APOOL: variants seen among roughly 807,000 people sequenced by gnomAD.
APOOL encodes MICOS complex subunit MIC27.
In APOOL, 12 loss-of-function variants were observed where a neutral mutation model predicts 23.1. The observed-to-expected ratio is 0.52, with a 90% CI of 0.33 to 0.84. The LOEUF is 0.84. Among genes scored for constraint, APOOL ranks in the 40% least tolerant of loss-of-function variants. The pLI, the probability that APOOL is intolerant of heterozygous loss-of-function variation, is 0.02. For synonymous variants in APOOL, 77 were observed against 69.9 expected, an observed-to-expected ratio of 1.10 and a Z score of -0.51; for missense variants, 212 against 199.6, an observed-to-expected ratio of 1.06 and a Z score of -0.37.
rs568886670 is a variant in APOOL, at chrX:85,019,304, A to C, written c.15+15377A>C. Among the ~76,000 whole-genome samples the C allele has an allele frequency of 5.4e-5, 6 of 112,015 alleles. No homozygotes were observed. The South Asian group carries it at 2.2e-3, about 42-fold the overall frequency. ...GAGTCATGAGGGCTCTGCCCTCACA[A>C]ATGGGATTAGTGCCCCCATAATAGA... On this transcript the variant is annotated intron_variant, in intron 1 of 8. Coordinates refer to ENST00000373173, the MANE Select transcript of APOOL (RefSeq NM_198450.6).
chrX:85,076,680 T>C (rs984227471), intron 8 of APOOL, among the ~76,000 whole-genome samples: 11 of 110,550 alleles, frequency 1.0e-4, no homozygotes, highest in African/African-American at 3.6e-4. Context: ...GTCACTTACC[T>C]AGTGAGCCTA....
At chrX:85,016,300 A>G (rs1478557196) in intron 1 of APOOL, among the ~76,000 whole-genome samples, 1 of 106,351 alleles carries the variant, frequency 9.4e-6, no homozygotes, top group Non-Finnish European at 1.9e-5. Context: ...CAAGGTCCCA[A>G]CCTTGATGAG....
At chrX:85,010,331 G>A (rs1921233517) in intron 1 of APOOL, among the ~76,000 whole-genome samples, 1 of 112,058 alleles carries the variant, frequency 8.9e-6, no homozygotes, top group African/African-American at 3.2e-5. Flanking sequence ...CTTTGATGAA[G>A]TATCTGTTCA....
intron 5 of APOOL, 131 bp from the exon 6 acceptor site, chrX:85,066,996 A>G (rs928717261): frequency 3.7e-5 from 15 of 409,000 alleles, no homozygotes; most frequent in Middle Eastern, 4.4e-4. Context: ...CTTGATTGGT[A>G]TAATTACCTA....
intron 8 of APOOL, among the ~76,000 whole-genome samples, chrX:85,086,726 G>A (rs1413574981): frequency 2.9e-5 from 3 of 102,074 alleles, no homozygotes; most frequent in Non-Finnish European, 6.0e-5. Context: ...TTGAGACGGA[G>A]TCTCGCTGTG....
rs1239406800 is a variant in APOOL, at chrX:85,090,312, G to A, written c.*2634G>A. 3 of 111,904 alleles carry A rather than the reference G, an allele frequency of 2.7e-5. No homozygotes were observed. Among genetic ancestry groups the A allele is most frequent in the Non-Finnish European group, 3.8e-5 (2 of 53,197 alleles). The allele number at this position is 111,904 out of a possible 1,213,427, so 9.2% of individuals were successfully genotyped here. ...ACACACTTAGCTCAAGGAAGATAGG[G>A]AATAGGGAAATCATGTTTCTTTTCC... On this transcript the variant is annotated 3_prime_UTR_variant, in exon 9 of 9. Coordinates refer to ENST00000373173, the MANE Select transcript of APOOL (RefSeq NM_198450.6).
chrX:85,043,312 T>C (rs939740581), intron 1 of APOOL, among the ~76,000 whole-genome samples: 16 of 111,369 alleles, frequency 1.4e-4, no homozygotes, highest in African/African-American at 5.2e-4. Context: ...TGCTGTTTGA[T>C]TAATGACAGC....
At chrX:85,040,718 AT>A (rs1457010675) in intron 1 of APOOL, among the ~76,000 whole-genome samples, 1 of 111,384 alleles carries the variant, frequency 9.0e-6, no homozygotes, top group Admixed American at 9.5e-5. Flanking sequence ...TTTACAGTAC[AT>A]TTTTTCGGTT....
intron 1 of APOOL, among the ~76,000 whole-genome samples, chrX:85,023,943 C>G (rs1257781937): frequency 8.9e-6 from 1 of 112,053 alleles, no homozygotes; most frequent in African/African-American, 3.2e-5. Context: ...CCCTTCATCC[C>G]ACCCCAGGCT....
intron 3 of APOOL, among the ~76,000 whole-genome samples, chrX:85,053,556 A>G (rs1226726950): frequency 9.0e-6 from 1 of 111,659 alleles, no homozygotes; most frequent in African/African-American, 3.2e-5. Flanking sequence ...CAGCTAGTTC[A>G]GAGAAGGATT....
At chrX:85,067,947 T>A (rs1923524548) in intron 6 of APOOL, among the ~76,000 whole-genome samples, 1 of 111,167 alleles carries the variant, frequency 9.0e-6, no homozygotes, top group African/African-American at 3.3e-5. Flanking sequence ...AGAAGGACTT[T>A]CTGTACTTGT....
intron 1 of APOOL, among the ~76,000 whole-genome samples, chrX:85,018,028 T>C (rs1215870797): frequency 8.9e-6 from 1 of 112,281 alleles, no homozygotes; most frequent in Non-Finnish European, 1.9e-5. Flanking sequence ...GGGAGATGCT[T>C]GTTAGCCCTG....
At chrX:85,080,518 G>C (rs1924052091) in intron 8 of APOOL, 1 of 111,632 alleles carries the variant, frequency 9.0e-6, no homozygotes, top group Admixed American at 9.6e-5. Context: ...CAACTCTGTG[G>C]TCAATTTTGG....
chrX:85,005,284 C>T, intron 1 of APOOL, among the ~76,000 whole-genome samples: 1 of 109,285 alleles, frequency 9.2e-6, no homozygotes. Flanking sequence ...GCTGGGACTA[C>T]AGGCGCATGC....
rs188703330 is a variant in APOOL at position 85,017,113 on chromosome X, C to T, written c.15+13186C>T. 2.7e-5 allele frequency among the ~76,000 whole-genome samples: 3 copies of T among 111,994 alleles called. No individual in the cohort carries two copies. In the East Asian group the frequency reaches 8.4e-4, roughly 32 times the overall value. ...GGTTACCAGGGCAGGTTGGAAAATA[C>T]CACCACGTGGGGGCAGGGTTATTAA... On this transcript the variant is annotated intron_variant, in intron 1 of 8. Coordinates refer to ENST00000373173, the MANE Select transcript of APOOL (RefSeq NM_198450.6).
intron 8 of APOOL, 71 bp from the exon 9 acceptor site, chrX:85,087,519 G>T: frequency 1.1e-6 from 1 of 941,044 alleles, no homozygotes; most frequent in Non-Finnish European, 1.5e-6. Context: ...TTTGTTCGCT[G>T]CTGTCTTCCC....
chrX:85,049,521 T>G (rs746676267), intron 2 of APOOL, among the ~76,000 whole-genome samples: 1 of 111,785 alleles, frequency 8.9e-6, no homozygotes, highest in Non-Finnish European at 1.9e-5. Flanking sequence ...CAGTGCCTCA[T>G]GCTTGTAATC....
intron 1 of APOOL, among the ~76,000 whole-genome samples, chrX:85,023,408 G>A (rs1272743178): frequency 8.9e-6 from 1 of 111,734 alleles, no homozygotes; most frequent in Non-Finnish European, 1.9e-5. Context: ...GGGATGAAAT[G>A]GAAGACAGAA....
At chrX:85,083,337 T>C (rs1489859717) in intron 8 of APOOL, among the ~76,000 whole-genome samples, 1 of 111,163 alleles carries the variant, frequency 9.0e-6, no homozygotes, top group East Asian at 2.8e-4. Flanking sequence ...TAACTATAAT[T>C]AATATATTAA....
Sources: allele counts gnomAD v4.1 joint callset (sites outside exome capture counted in the v4.1 genomes callset), GRCh38; gene constraint gnomAD v4.1.1; transcripts MANE v1.5; gene names NCBI Gene and HGNC (gene_info 2026-07-23, HGNC 2026-07-21).